The following NPSR1 variants were observed in gnomAD, a reference collection of about 807,000 sequenced individuals.
The protein encoded by NPSR1 is neuropeptide S receptor 1, also known as neuropeptide S receptor.
NPSR1 carries 48 observed loss-of-function variants against 46.9 expected under a neutral mutation model. The observed-to-expected ratio is 1.02, with a 90% CI of 0.81 to 1.30. The LOEUF is 1.30. Among genes scored for constraint, NPSR1 ranks in the 50% most tolerant of loss-of-function variants. The probability of loss-of-function intolerance (pLI) is 0.00; values close to 1 mark genes in which losing one functional copy is unlikely to be tolerated. For missense variants in NPSR1, 450 were observed against 449.5 expected (o/e 1.00, Z -0.01); for synonymous variants, 176 against 168.1 (o/e 1.05, Z -0.36).
Position 34,734,118 on chromosome 7 carries a change from A to G in NPSR1, c.281-44344A>G, listed in dbSNP as rs529877468. 1.1e-4 allele frequency among the ~76,000 whole-genome samples: 17 copies of G among 152,330 alleles called. No individual in the cohort carries two copies. In the South Asian group the frequency reaches 1.4e-3, roughly 13 times the overall value. ...GTTGACAACTTAGGAAACGAATTTA[A>G]TAGCCCTGAAAAGATGATGAAGATC... On this transcript the variant is annotated intron_variant, in intron 2 of 8. Coordinates refer to ENST00000360581, the MANE Select transcript of NPSR1 (RefSeq NM_207172.2).
intron 3 of NPSR1, among the ~76,000 whole-genome samples, chr7:34,801,936 G>T (rs1014567525): frequency 5.3e-5 from 8 of 149,874 alleles, no homozygotes; most frequent in African/African-American, 7.6e-5. Flanking sequence ...CAATCAGAGA[G>T]CCAAATCATG....
intron 4 of NPSR1, among the ~76,000 whole-genome samples, chr7:34,812,123 G>A (rs747871201): frequency 6.6e-6 from 1 of 152,130 alleles, no homozygotes; most frequent in East Asian, 1.9e-4. Flanking sequence ...AGGAAGGTGG[G>A]TGGCTGACCC....
At chr7:34,713,975 A>G (rs1261161033) in intron 2 of NPSR1, among the ~76,000 whole-genome samples, 1 of 152,216 alleles carries the variant, frequency 6.6e-6, no homozygotes, top group Admixed American at 6.5e-5. Context: ...TTAAAACATC[A>G]GTTTATTGCC....
rs141608284 is a variant in NPSR1 at position 34,857,155 on chromosome 7, A to G, written c.1025+8492A>G. Among the ~76,000 whole-genome samples the G allele has an allele frequency of 1.6e-4, 25 of 151,908 alleles. No individual in the cohort carries two copies. In the East Asian group the frequency reaches 4.4e-3, roughly 27 times the overall value. The stretch of plus-strand genomic sequence containing the variant: ...AACTAATGAAATGCAGAAATATATC[A>G]TGACTATTGTTCAGAAACTGAATAT... On this transcript the variant is annotated intron_variant, in intron 8 of 8. Transcript: ENST00000359791.
intron 2 of NPSR1, among the ~76,000 whole-genome samples, chr7:34,736,421 A>G (rs1245503277): frequency 6.6e-6 from 1 of 151,380 alleles, no homozygotes; most frequent in Non-Finnish European, 1.5e-5. Context: ...TCTTTTGCAC[A>G]TCCTCAACTT....
intron 3 of NPSR1, among the ~76,000 whole-genome samples, chr7:34,782,028 G>T (rs983082637): frequency 6.6e-6 from 1 of 152,070 alleles, no homozygotes; most frequent in African/African-American, 2.4e-5. Flanking sequence ...TTACAGCAGG[G>T]GCACCTGTGC....
intron 1 of NPSR1, among the ~76,000 whole-genome samples, chr7:34,675,323 A>C: frequency 6.6e-6 from 1 of 152,176 alleles, no homozygotes; most frequent in East Asian, 1.9e-4. Flanking sequence ...TCACCCTATA[A>C]TTGTTAAAGA....
chr7:34,805,112 A>G lies in NPSR1; in HGVS notation c.385-6658A>G, dbSNP rs182888997. ...ATTGTTAAGATGTCTATTCTGCCCA[A>G]CGTGATCTATAAATTCAATACAATT... is the stretch of plus-strand genomic sequence containing the variant. On this transcript the variant is annotated intron_variant, in intron 3 of 8. Transcript: ENST00000360581. Among the ~76,000 whole-genome samples the G allele has an allele frequency of 3.4e-3, 522 of 152,150 alleles. 3 individuals are homozygous for G. Among genetic ancestry groups the G allele is most frequent in the African/African-American group, 0.012 (507 of 41,558 alleles).
At chr7:34,704,844 A>C (rs1794019923) in intron 2 of NPSR1, among the ~76,000 whole-genome samples, 1 of 152,196 alleles carries the variant, frequency 6.6e-6, no homozygotes, top group Non-Finnish European at 1.5e-5. Flanking sequence ...GAAGCAAGGG[A>C]AACAATTAAA....
intron 2 of NPSR1, among the ~76,000 whole-genome samples, chr7:34,769,227 C>A (rs1156383033): frequency 1.3e-5 from 2 of 151,760 alleles, no homozygotes; most frequent in Admixed American, 6.6e-5. Context: ...TTTTCTATTT[C>A]TTTTAATGTT....
chr7:34,707,091 T>G (rs763392668), intron 2 of NPSR1, among the ~76,000 whole-genome samples: 2 of 152,168 alleles, frequency 1.3e-5, no homozygotes, highest in Non-Finnish European at 2.9e-5. Flanking sequence ...CTTAGAAAAA[T>G]TGGGTTTCTT....
In NPSR1 at chr7:34,848,170, T is replaced by C. The variant is rs1584139920; in HGVS notation, c.845-313T>C. ...GATCCCTGTGTTTGATGAGAGGCTA[T>C]GGCCATAGTCACTTGTTCCTGGGGT... On this transcript the variant is annotated intron_variant, in intron 7 of 8. Transcript: ENST00000360581. Among the ~76,000 whole-genome samples, 4 of 152,354 alleles carry C rather than the reference T, an allele frequency of 2.6e-5. No homozygotes were observed. In the South Asian group the frequency reaches 8.3e-4, roughly 32 times the overall value.
At chr7:34,698,931 G>A (rs1188026494) in intron 2 of NPSR1, among the ~76,000 whole-genome samples, 4 of 152,202 alleles carry the variant, frequency 2.6e-5, no homozygotes, top group African/African-American at 9.6e-5. Context: ...AAATATAAAG[G>A]AAAATTTTCA....
At chr7:34,725,652 C>A (rs1165084244) in intron 2 of NPSR1, among the ~76,000 whole-genome samples, 1 of 152,170 alleles carries the variant, frequency 6.6e-6, no homozygotes, top group Non-Finnish European at 1.5e-5. Context: ...CCGCCCCATA[C>A]CAGCTGTTTT....
At chr7:34,689,629 AAAAAAGAAAAGAAAAG>A (rs1793138383) in intron 2 of NPSR1, among the ~76,000 whole-genome samples, 1 of 147,226 alleles carries the variant, frequency 6.8e-6, no homozygotes, top group East Asian at 2.0e-4. Flanking sequence ...AAAAAAAAAA[AAAAAAGAAAAGAAAAG>A]AAAGAAAGAA....
At chr7:34,860,956 C>A (rs1791180144) in intron 8 of NPSR1, among the ~76,000 whole-genome samples, 2 of 151,876 alleles carry the variant, frequency 1.3e-5, no homozygotes, top group African/African-American at 4.9e-5. Flanking sequence ...GTTGCTGTAA[C>A]ACTGTTCTCT....
At chr7:34,844,779 T>C (rs1790687674) in intron 6 of NPSR1, 117 bp from the exon 7 acceptor site, 1 of 734,566 alleles carries the variant, frequency 1.4e-6, no homozygotes, top group African/African-American at 1.8e-5. Context: ...CATCTGGGCA[T>C]AAATGCACAG....
At position 34,778,208 on chromosome 7, in the gene NPSR1, G is replaced by A. The variant is rs182789591; in HGVS notation, c.281-254G>A. 1.6e-4 allele frequency among the ~76,000 whole-genome samples: 25 copies of A among 152,174 alleles called. No individual in the cohort carries two copies. The East Asian group carries it at 2.9e-3, about 18-fold the overall frequency. On this transcript the variant is annotated intron_variant, in intron 2 of 8. Transcript: ENST00000360581. ...ACTTAAAAAGTCAACTCTATGATTA[G>A]CATGATTCCTCTTCAGTCATTACTG...
chr7:34,838,409 G>A (rs182340931), intron 6 of NPSR1, among the ~76,000 whole-genome samples: 4 of 152,144 alleles, frequency 2.6e-5, no homozygotes, highest in Admixed American at 2.6e-4. Flanking sequence ...CCGAAATGAG[G>A]GCAGCTGGTA....
Sources: gnomAD v4.1 joint callset for allele counts (sites outside exome capture counted in the v4.1 genomes callset) on GRCh38, gnomAD v4.1.1 for gene constraint, MANE v1.5 for transcripts, NCBI Gene and HGNC (gene_info 2026-07-23, HGNC 2026-07-21) for gene names.